Variants in SBK1 observed in about 807,000 individuals in gnomAD.
SBK1 encodes the protein serine/threonine-protein kinase SBK1.
SBK1 carries 11 observed loss-of-function variants against 24.4 expected under a neutral mutation model. The observed-to-expected ratio is 0.45, with a 90% CI of 0.28 to 0.75. The LOEUF is 0.75. Ranked by LOEUF, SBK1 falls within the 30% of genes least tolerant of loss-of-function variation. SBK1 has a pLI of 0.12. For missense variants in SBK1, 467 were observed against 620.5 expected, an observed-to-expected ratio of 0.75 and a Z score of 2.63; for synonymous variants, 308 against 284.4, an observed-to-expected ratio of 1.08 and a Z score of -0.83.
At chr16:28,280,159 G>A (rs1466365620) in intron 1 of SBK1, among the ~76,000 whole-genome samples, 4 of 104,642 alleles carry the variant, frequency 3.8e-5, no homozygotes, top group African/African-American at 1.1e-4. Flanking sequence ...ATGTGTGTGT[G>A]TGTGTGTGTG....
chr16:28,300,136 G>A (rs1378319060), intron 1 of SBK1, among the ~76,000 whole-genome samples: 2 of 152,212 alleles, frequency 1.3e-5, no homozygotes, highest in African/African-American at 2.4e-5. Flanking sequence ...AGCTCTTTGA[G>A]GGCAGGACAG....
chr16:28,320,991 A>G lies in SBK1; in HGVS notation c.*70A>G. 1 of 1,277,062 alleles carries G rather than the reference A, an allele frequency of 7.8e-7. No homozygotes were observed. The highest frequency in any genetic ancestry group is 1.0e-6 in the Non-Finnish European group (1 of 1,002,320). The allele number at this position is 1,277,062 out of a possible 1,614,324, so 79.1% of individuals were successfully genotyped here. On this transcript the variant is annotated 3_prime_UTR_variant, in exon 4 of 4. Transcript: ENST00000341901. This position sits in a 1 kb window ranked among gnomAD's most constrained non-coding sequence, Gnocchi z 8.5. ...CCGAGCCGGTGCCCGGTGCGGCGGT[A>G]GGGAATGGAGCCACCTCGCCGCGGG...
chr16:28,298,176 G>A (rs958871975), intron 1 of SBK1, among the ~76,000 whole-genome samples: 1 of 152,218 alleles, frequency 6.6e-6, no homozygotes, highest in Admixed American at 6.5e-5. Context: ...GGAAAGGCCA[G>A]TTAAAGTCCC....
chr16:28,316,319 G>A (rs1173239458), intron 1 of SBK1, among the ~76,000 whole-genome samples: 2 of 152,058 alleles, frequency 1.3e-5, no homozygotes, highest in African/African-American at 2.4e-5. Context: ...TACCACTTTC[G>A]ATCGTAATAT....
chr16:28,308,243 C>G (rs1362612778), intron 1 of SBK1, among the ~76,000 whole-genome samples: 1 of 152,112 alleles, frequency 6.6e-6, no homozygotes, highest in Admixed American at 6.6e-5. Context: ...CTCCACCTCC[C>G]GGGTTCGTGC....
intron 2 of SBK1, 68 bp from the exon 3 acceptor site, chr16:28,318,927 C>T (rs927702396): frequency 2.6e-6 from 3 of 1,161,840 alleles, no homozygotes; most frequent in Admixed American, 1.7e-5. Flanking sequence ...CAGAGACAGG[C>T]ATGGGTGCAT....
At chr16:28,279,427 A>C (rs367797019) in intron 1 of SBK1, among the ~76,000 whole-genome samples, 1 of 150,874 alleles carries the variant, frequency 6.6e-6, no homozygotes, top group South Asian at 2.1e-4. Flanking sequence ...AAAAAAAAAA[A>C]AAAAAAACCA....
intron 1 of SBK1, among the ~76,000 whole-genome samples, chr16:28,310,945 C>T (rs906369240): frequency 8.5e-5 from 13 of 152,172 alleles, no homozygotes; most frequent in Non-Finnish European, 1.8e-4. Flanking sequence ...GTGCCTCCGA[C>T]GCCACGTGCG....
intron 1 of SBK1, among the ~76,000 whole-genome samples, chr16:28,274,142 A>G (rs946223256): frequency 1.2e-4 from 18 of 152,202 alleles, no homozygotes; most frequent in African/African-American, 4.3e-4. Flanking sequence ...GTGGACCTGT[A>G]ACATACATTT....
chr16:28,315,881 T>C (rs1364460138), intron 1 of SBK1, among the ~76,000 whole-genome samples: 2 of 152,100 alleles, frequency 1.3e-5, no homozygotes, highest in Admixed American at 1.3e-4. Context: ...TTCTCCTACC[T>C]CAGCCTCCCA....
At chr16:28,261,266 CATGA>C (rs765237541) in intron 1 of SBK1, among the ~76,000 whole-genome samples, 4 of 152,142 alleles carry the variant, frequency 2.6e-5, no homozygotes, top group African/African-American at 9.7e-5. Context: ...TGAATGAATA[CATGA>C]ATGAATGAAT....
rs1305254487 is a variant in SBK1 at position 28,320,406 on chromosome 16, G to C, written c.760G>C (p.Glu254Gln). 3 of 1,590,942 alleles carry C rather than the reference G, an allele frequency of 1.9e-6. No homozygotes were observed. The highest frequency in any genetic ancestry group is 1.7e-5 in the Admixed American group (1 of 59,608). ...CGTGCTCACCGGCAACTTCCCGTGG[G>C]AGGCGGCGTCGGGCGCCGACGCCTT... ...FCVLTGNFPW[E>Q]AASGADAFFE... The change falls in exon 4 of 4, where the codon GAG (glutamate) becomes CAG (glutamine). Residue 254 changes from glutamate to glutamine, a missense_variant. Glu to Gln is a conservative substitution (Grantham distance 29). Coordinates refer to ENST00000341901, the MANE Select transcript of SBK1 (RefSeq NM_001024401.3). The surrounding 1 kb of genome is among the most constrained non-coding windows in gnomAD (Gnocchi z 8.5).
At chr16:28,307,050 G>T (rs1351550578) in intron 1 of SBK1, among the ~76,000 whole-genome samples, 1 of 152,028 alleles carries the variant, frequency 6.6e-6, no homozygotes, top group African/African-American at 2.4e-5. Context: ...CCCAGCCCCA[G>T]CCCCAGCCCC....
rs2044840682 is a variant in SBK1, at chr16:28,321,020, G to A, written c.*99G>A. On this transcript the variant is annotated 3_prime_UTR_variant, in exon 4 of 4. Coordinates refer to ENST00000341901, the MANE Select transcript of SBK1 (RefSeq NM_001024401.3). ...AATGGAGCCACCTCGCCGCGGGGCA[G>A]GGGGCGCAGCGGTAGACTAGGCAGG... is the stretch of plus-strand genomic sequence containing the variant. 34 of 1,135,106 alleles carry A rather than the reference G, an allele frequency of 3.0e-5. No individual in the cohort carries two copies. The highest frequency in any genetic ancestry group is 3.9e-5 in the Non-Finnish European group (34 of 881,996). The allele number at this position is 1,135,106 out of a possible 1,614,324, so 70.3% of individuals were successfully genotyped here.
intron 1 of SBK1, among the ~76,000 whole-genome samples, chr16:28,272,739 AG>A (rs1313257897): frequency 6.7e-6 from 1 of 148,626 alleles, no homozygotes. Flanking sequence ...CTTCTGCCTC[AG>A]CCCCCTGAGT....
At chr16:28,264,828 G>A (rs553396091) in intron 1 of SBK1, among the ~76,000 whole-genome samples, 19 of 152,236 alleles carry the variant, frequency 1.2e-4, no homozygotes, top group African/African-American at 4.3e-4. Context: ...TCATGTGGAG[G>A]AGAAGCCAGC....
At chr16:28,289,813 T>C (rs11862462), upstream of SBK1, among the ~76,000 whole-genome samples, 14,983 of 144,416 alleles carry the variant, frequency 0.1, 1,321 homozygotes, top group African/African-American at 0.25. Context: ...GGGCTGGGCG[T>C]GGTGGCTCAC....
At chr16:28,318,878 GAC>G in intron 2 of SBK1, 115 bp from the exon 3 acceptor site, 1 of 782,320 alleles carries the variant, frequency 1.3e-6, no homozygotes, top group Non-Finnish European at 2.3e-6. Flanking sequence ...GTGAGATGAG[GAC>G]AGTCATGCCT....
chr16:28,301,558 C>A (rs961009149), intron 1 of SBK1, among the ~76,000 whole-genome samples: 2 of 152,210 alleles, frequency 1.3e-5, no homozygotes, highest in Non-Finnish European at 2.9e-5. Flanking sequence ...CTCTTCCTCC[C>A]AGGCTCCTCA....
Sources: gnomAD v4.1 joint callset for allele counts (sites outside exome capture counted in the v4.1 genomes callset) on GRCh38, gnomAD v4.1.1 for gene constraint, Gnocchi (gnomAD v3.1) non-coding constraint, MANE v1.5 for transcripts, NCBI Gene and HGNC (gene_info 2026-07-23, HGNC 2026-07-21) for gene names.